DDX10: variants seen among roughly 807,000 people sequenced by gnomAD.
The protein encoded by DDX10 is probable ATP-dependent RNA helicase DDX10.
In DDX10, 74 loss-of-function variants were observed where a neutral mutation model predicts 104.3. That is an observed-to-expected ratio of 0.71 (90% CI 0.59 to 0.86). The LOEUF is 0.86. Ranked by LOEUF, DDX10 falls within the 40% of genes least tolerant of loss-of-function variation. The pLI, the probability that DDX10 is intolerant of heterozygous loss-of-function variation, is 0.00. For synonymous variants in DDX10, 351 were observed against 353.4 expected (o/e 0.99, Z 0.08); for missense variants, 952 against 1,040.0 (o/e 0.92, Z 1.16).
At chr11:108,730,795 C>T (rs1228144203) in intron 13 of DDX10, among the ~76,000 whole-genome samples, 6 of 150,668 alleles carry the variant, frequency 4.0e-5, no homozygotes, top group Non-Finnish European at 5.9e-5. Flanking sequence ...ACTAAGACTA[C>T]ATTTGCATTA....
chr11:108,808,387 A>G (rs1310942009), intron 13 of DDX10, among the ~76,000 whole-genome samples: 1 of 152,118 alleles, frequency 6.6e-6, no homozygotes, highest in Non-Finnish European at 1.5e-5. Flanking sequence ...AGTAGCTTTT[A>G]TACATTTATT....
intron 13 of DDX10, among the ~76,000 whole-genome samples, chr11:108,802,901 A>G (rs1862043005): frequency 6.6e-6 from 1 of 152,244 alleles, no homozygotes; most frequent in Admixed American, 6.5e-5. Context: ...TTGGGTGTAG[A>G]TACAACTCTT....
intron 13 of DDX10, among the ~76,000 whole-genome samples, chr11:108,818,154 A>G (rs1200512423): frequency 1.3e-5 from 2 of 152,150 alleles, no homozygotes; most frequent in Non-Finnish European, 2.9e-5. Context: ...TCACCAGTGG[A>G]CATGCATGCT....
chr11:108,803,167 C>A (rs999094301), intron 13 of DDX10, among the ~76,000 whole-genome samples: 7 of 152,050 alleles, frequency 4.6e-5, no homozygotes, highest in Admixed American at 3.9e-4. Flanking sequence ...AGCATTCTTG[C>A]AATATATCAG....
intron 2 of DDX10, 63 bp downstream of exon 2, chr11:108,673,590 A>G (rs1044396015): frequency 2.4e-6 from 3 of 1,244,170 alleles, no homozygotes; most frequent in Non-Finnish European, 3.5e-6. Context: ...TAAATGGGAG[A>G]AGATTTAGAG....
Position 108,675,763 on chromosome 11 carries a change from A to G in DDX10, c.378+37A>G, listed in dbSNP as rs376162112. 1.4e-4 allele frequency: 223 copies of G among 1,607,212 alleles called. 1 individual carries two copies. The South Asian group carries it at 2.3e-3, about 17-fold the overall frequency. ...GTCATTGGGTCAGACTGTCTGTTAT[A>G]CAATTTTATAACATTCTGTGCCCAG... On this transcript the variant is annotated intron_variant, in intron 3 of 17. Coordinates refer to ENST00000322536, the MANE Select transcript of DDX10 (RefSeq NM_004398.4).
intron 9 of DDX10, among the ~76,000 whole-genome samples, chr11:108,703,652 A>G (rs901732262): frequency 2.2e-5 from 3 of 134,638 alleles, no homozygotes; most frequent in Non-Finnish European, 3.3e-5. Flanking sequence ...TTTGAAGAAC[A>G]CTTATTTCTT....
intron 13 of DDX10, among the ~76,000 whole-genome samples, chr11:108,740,959 C>G (rs1438635118): frequency 3.9e-5 from 6 of 152,128 alleles, no homozygotes; most frequent in Non-Finnish European, 2.9e-5. Context: ...AGTCATTAAT[C>G]TATCTTGAGT....
intron 16 of DDX10, among the ~76,000 whole-genome samples, chr11:108,898,753 C>G (rs552409232): frequency 6.6e-6 from 1 of 151,842 alleles, no homozygotes; most frequent in Non-Finnish European, 1.5e-5. Context: ...GAAATACTTA[C>G]ACTCTTGCTA....
chr11:108,886,770 G>A (rs1257084695), intron 16 of DDX10, among the ~76,000 whole-genome samples: 2 of 152,158 alleles, frequency 1.3e-5, no homozygotes, highest in Non-Finnish European at 2.9e-5. Context: ...TTGAATCTGT[G>A]TTCTTGTGTC....
At chr11:108,708,301 T>C (rs1486647148) in intron 10 of DDX10, among the ~76,000 whole-genome samples, 1 of 150,788 alleles carries the variant, frequency 6.6e-6, no homozygotes, top group Non-Finnish European at 1.5e-5. Flanking sequence ...TGTGATTTTT[T>C]TTTTTTCTTT....
intron 16 of DDX10, among the ~76,000 whole-genome samples, chr11:108,900,059 C>T (rs1168626063): frequency 6.6e-6 from 1 of 151,894 alleles, no homozygotes; most frequent in Non-Finnish European, 1.5e-5. Flanking sequence ...TTGCAGTGAG[C>T]TTAAAATGCG....
At chr11:108,938,062 C>T (rs140952396) in intron 17 of DDX10, among the ~76,000 whole-genome samples, 24 of 152,322 alleles carry the variant, frequency 1.6e-4, no homozygotes, top group Non-Finnish European at 3.1e-4. Context: ...TTACCTCCCT[C>T]GGCTTAGTGG....
chr11:108,806,370 T>A (rs1862100664), intron 13 of DDX10, among the ~76,000 whole-genome samples: 1 of 152,170 alleles, frequency 6.6e-6, no homozygotes, highest in Non-Finnish European at 1.5e-5. Context: ...GATAGAGACA[T>A]GAGAGTGTGG....
chr11:108,738,449 T>C (rs2094320971), intron 13 of DDX10, among the ~76,000 whole-genome samples: 1 of 152,078 alleles, frequency 6.6e-6, no homozygotes, highest in South Asian at 2.1e-4. Flanking sequence ...AAATACTTAT[T>C]TCTAATCCCC....
intron 13 of DDX10, chr11:108,727,724 A>G (rs2094307064): frequency 6.3e-6 from 1 of 159,964 alleles, no homozygotes; most frequent in South Asian, 1.9e-4. Flanking sequence ...TTAACTACTA[A>G]GGTACAATGT....
intron 13 of DDX10, among the ~76,000 whole-genome samples, chr11:108,808,031 T>C (rs1160730747): frequency 6.6e-6 from 1 of 152,162 alleles, no homozygotes; most frequent in African/African-American, 2.4e-5. Flanking sequence ...CAAATAGCCT[T>C]ATGATGTATC....
intron 6 of DDX10, among the ~76,000 whole-genome samples, chr11:108,682,516 G>GT (rs1458019665): frequency 3.3e-5 from 5 of 152,074 alleles, no homozygotes; most frequent in African/African-American, 9.7e-5. Flanking sequence ...TACACCCTAT[G>GT]TTTTTAGATT....
At chr11:108,725,599 ATCT>A (rs1208645857) in intron 13 of DDX10, among the ~76,000 whole-genome samples, 1 of 152,048 alleles carries the variant, frequency 6.6e-6, no homozygotes, top group African/African-American at 2.4e-5. Flanking sequence ...CCATTCATAT[ATCT>A]TCTTTGGTGA....
Sources: gnomAD v4.1 joint callset for allele counts (sites outside exome capture counted in the v4.1 genomes callset) on GRCh38, gnomAD v4.1.1 for gene constraint, MANE v1.5 for transcripts, NCBI Gene and HGNC (gene_info 2026-07-23, HGNC 2026-07-21) for gene names.